Variants in NAP1L4 observed in about 807,000 individuals in gnomAD.
NAP1L4 encodes the protein nucleosome assembly protein 1 like 4.
A neutral mutation model predicts 58.2 loss-of-function variants in NAP1L4; 15 were observed. The ratio of observed to expected loss-of-function variants is 0.26; its 90% CI spans 0.17 to 0.40. The LOEUF (loss-of-function observed/expected upper bound fraction) is 0.40. Among genes scored for constraint, NAP1L4 ranks in the 10% least tolerant of loss-of-function variants. The probability of loss-of-function intolerance (pLI) is 1.00; values close to 1 mark genes in which losing one functional copy is unlikely to be tolerated. For missense variants in NAP1L4, 384 were observed against 451.1 expected, an observed-to-expected ratio of 0.85 and a Z score of 1.35; for synonymous variants, 171 against 155.6, an observed-to-expected ratio of 1.10 and a Z score of -0.74.
At chr11:2,985,076 C>A (rs1406484024) in intron 1 of NAP1L4, among the ~76,000 whole-genome samples, 1 of 152,152 alleles carries the variant, frequency 6.6e-6, no homozygotes, top group African/African-American at 2.4e-5. Flanking sequence ...TAATTTTATA[C>A]AATATTTTAA....
intron 14 of NAP1L4, among the ~76,000 whole-genome samples, chr11:2,950,489 T>C (rs945642689): frequency 2.0e-5 from 3 of 152,182 alleles, no homozygotes; most frequent in African/African-American, 7.2e-5. Context: ...AGAGACACAT[T>C]ACAAAAACAC....
In NAP1L4 at chr11:2,961,136, T is replaced by C. The variant is rs1240492291; in HGVS notation, c.607-1227A>G. On this transcript the variant is annotated intron_variant, in intron 8 of 15. Transcript: ENST00000380542. ...GGTAAAACCATCAACGGGGGGGAAA[T>C]TAAGAGGACTAAAAAAAATATACAG... 2.6e-5 allele frequency among the ~76,000 whole-genome samples: 4 copies of C among 150,962 alleles called. No individual in the cohort carries two copies. The East Asian group carries it at 7.8e-4, about 29-fold the overall frequency.
chr11:2,945,639 G>T lies in NAP1L4; in HGVS notation c.*40C>A. 1 of 1,535,960 alleles carries T rather than the reference G, an allele frequency of 6.5e-7. No individual in the cohort carries two copies. Among genetic ancestry groups the T allele is most frequent in the East Asian group, 2.4e-5 (1 of 40,904 alleles). ...CTGCTTGCATTCCGCCGGCTGGCTG[G>T]GTTCCTTCTGTCAATGAAAAAGACA... On this transcript the variant is annotated 3_prime_UTR_variant, in exon 16 of 16. Coordinates refer to ENST00000380542, the MANE Select transcript of NAP1L4 (RefSeq NM_005969.4).
rs936414794 is a variant in NAP1L4, at chr11:2,971,058, C to A, written c.402+390G>T. On this transcript the variant is annotated intron_variant, in intron 6 of 15. Coordinates refer to ENST00000380542, the MANE Select transcript of NAP1L4 (RefSeq NM_005969.4). This position sits in a 1 kb window ranked among gnomAD's most constrained non-coding sequence, Gnocchi z 4.2. ...ATCTGCAACCAATCCACTGGCGGAGCACCTCTCAGGGGGCAAGCTAGTCCA... is the reference window on the plus strand; with the variant it reads ...ATCTGCAACCAATCCACTGGCGGAGAACCTCTCAGGGGGCAAGCTAGTCCA... Among the ~76,000 whole-genome samples, 3 of 152,210 alleles carry A rather than the reference C, an allele frequency of 2.0e-5. No homozygotes were observed. The highest frequency in any genetic ancestry group is 7.2e-5 in the African/African-American group (3 of 41,462).
At chr11:2,969,549 T>A (rs919670056) in intron 7 of NAP1L4, among the ~76,000 whole-genome samples, 1 of 152,028 alleles carries the variant, frequency 6.6e-6, no homozygotes, top group Non-Finnish European at 1.5e-5. Flanking sequence ...AGGAACTGAT[T>A]TGAAAGTTTT....
intron 7 of NAP1L4, among the ~76,000 whole-genome samples, chr11:2,966,062 T>C (rs1380984083): frequency 6.6e-6 from 1 of 152,238 alleles, no homozygotes; most frequent in Non-Finnish European, 1.5e-5. Flanking sequence ...AAACACGCAC[T>C]GGCAGCAGGC....
intron 8 of NAP1L4, 97 bp from the exon 9 acceptor site, chr11:2,960,006 G>T (rs1846767909): frequency 8.4e-6 from 11 of 1,306,204 alleles, no homozygotes; most frequent in East Asian, 2.6e-5. Flanking sequence ...GCTATTTTGG[G>T]AAAGCTCAAC....
chr11:2,958,293 T>C lies in NAP1L4; in HGVS notation c.892+106A>G, dbSNP rs962520909. ...AGCAATGTGCCCCTACTGACCACAC[T>C]TGCCTGAAAAAAGAGGACTAAAGTC... On this transcript the variant is annotated intron_variant, in intron 10 of 15. Transcript: ENST00000380542. 25 of 1,209,320 alleles carry C rather than the reference T, an allele frequency of 2.1e-5. No homozygotes were observed. In the African/African-American group the frequency reaches 3.0e-4, roughly 15 times the overall value. 74.9% of individuals were successfully genotyped at this position (1,209,320 alleles called of 1,614,324 possible). A position where few individuals can be genotyped will look rare whatever the true frequency, so the allele number is the denominator to read the frequency against.
rs77374304 is a variant in NAP1L4 at position 2,964,176 on chromosome 11, G to C, written c.606+504C>G. 5.0e-3 allele frequency among the ~76,000 whole-genome samples: 766 copies of C among 152,164 alleles called. 22 individuals carry two copies. Among genetic ancestry groups the C allele is most frequent in the East Asian group, 0.015 (78 of 5,168 alleles). On this transcript the variant is annotated intron_variant, in intron 8 of 15. Coordinates refer to ENST00000380542, the MANE Select transcript of NAP1L4 (RefSeq NM_005969.4). ...AGGTTCAGATTTCTGAATAAGTGCT[G>C]ATCATTATGTGTACATAGCTCCCAT...
rs192587788 is a variant in NAP1L4 at position 2,974,005 on chromosome 11, C to T, written c.174-1762G>A. Among the ~76,000 whole-genome samples, 16 of 152,302 alleles carry T rather than the reference C, an allele frequency of 1.1e-4. No individual in the cohort carries two copies. In the South Asian group the frequency reaches 3.1e-3, roughly 30 times the overall value. On this transcript the variant is annotated intron_variant, in intron 4 of 15. Coordinates refer to ENST00000380542, the MANE Select transcript of NAP1L4 (RefSeq NM_005969.4). Reference sequence around the variant, plus strand: ...CTGGTCTCGAACTCCTGAGCTCAAGCAATCTGCCTGCCTCGGCCTCCCAAA... The same window carrying T: ...CTGGTCTCGAACTCCTGAGCTCAAGTAATCTGCCTGCCTCGGCCTCCCAAA...
chr11:2,971,383 T>G lies in NAP1L4; in HGVS notation c.402+65A>C, dbSNP rs1355480796. ...TAAGTTTACTAGTCATTAAAAATCA[T>G]TAAAAAATGCTTATTTTTAACAGTA... On this transcript the variant is annotated intron_variant, in intron 6 of 15. Coordinates refer to ENST00000380542, the MANE Select transcript of NAP1L4 (RefSeq NM_005969.4). The surrounding 1 kb of genome is among the most constrained non-coding windows in gnomAD (Gnocchi z 4.2). The G allele has an allele frequency of 3.0e-5, 42 of 1,422,066 alleles. No homozygotes were observed. In the East Asian group the frequency reaches 8.6e-4, roughly 29 times the overall value. The allele number at this position is 1,422,066 out of a possible 1,614,324, so 88.1% of individuals were successfully genotyped here.
chr11:2,956,014 GGCACTCAA>G (rs1846519199), intron 10 of NAP1L4, among the ~76,000 whole-genome samples: 1 of 152,150 alleles, frequency 6.6e-6, no homozygotes, highest in African/African-American at 2.4e-5. Context: ...GCCATGGGCT[GGCACTCAA>G]GCTTGAGAAG....
intron 12 of NAP1L4, chr11:2,952,101 T>C: frequency 2.0e-6 from 1 of 494,370 alleles, no homozygotes; most frequent in Non-Finnish European, 3.6e-6. Context: ...CTGCCCTGGC[T>C]GTTCTCACAC....
At chr11:2,967,361 C>T (rs1847343930) in intron 7 of NAP1L4, among the ~76,000 whole-genome samples, 1 of 152,104 alleles carries the variant, frequency 6.6e-6, no homozygotes, top group African/African-American at 2.4e-5. Context: ...GCCTGTAATC[C>T]CAGCACTTTG....
Position 2,951,251 on chromosome 11 carries a change from T to G in NAP1L4, c.1122+8A>C, listed in dbSNP as rs1436394762. On this transcript the variant is annotated splice_region_variant and intron_variant, in intron 14 of 15. Transcript: ENST00000380542. This position sits in a 1 kb window ranked among gnomAD's most constrained non-coding sequence, Gnocchi z 4.0. Reference sequence around the variant, plus strand: ...TAAGTAGGTCTGGGTGGCCCCAAAGTTACCAACCTTGGGGTTAATTTCCGC... The same window carrying G: ...TAAGTAGGTCTGGGTGGCCCCAAAGGTACCAACCTTGGGGTTAATTTCCGC... 5 of 1,613,654 alleles carry G rather than the reference T, an allele frequency of 3.1e-6. No individual in the cohort carries two copies. The highest frequency in any genetic ancestry group is 4.2e-6 in the Non-Finnish European group (5 of 1,179,622).
In NAP1L4 at chr11:2,955,817, A is replaced by T; in HGVS notation, c.893-51T>A. On this transcript the variant is annotated intron_variant, in intron 10 of 15. Transcript: ENST00000380542. The surrounding 1 kb of genome is among the most constrained non-coding windows in gnomAD (Gnocchi z 4.2). Reference sequence around the variant, plus strand: ...TTTAAATTACAGTGACAACTCCCAGAATTTTAAAGCCCACACAGGAGGAAG... The same window carrying T: ...TTTAAATTACAGTGACAACTCCCAGTATTTTAAAGCCCACACAGGAGGAAG... 6.4e-7 allele frequency: 1 copy of T among 1,556,752 alleles called. No individual in the cohort carries two copies. Among genetic ancestry groups the T allele is most frequent in the Non-Finnish European group, 8.8e-7 (1 of 1,131,240 alleles).
intron 4 of NAP1L4, among the ~76,000 whole-genome samples, chr11:2,974,238 G>A (rs145673729): frequency 6.6e-6 from 1 of 152,070 alleles, no homozygotes; most frequent in East Asian, 1.9e-4. Flanking sequence ...CCATTAACTC[G>A]TCATTTAGAC....
chr11:2,992,269 G>C lies in NAP1L4; in HGVS notation c.-33C>G, dbSNP rs1590288531. 6.6e-6 allele frequency: 1 copy of C among 152,314 alleles called. No individual in the cohort carries two copies. Among genetic ancestry groups the C allele is most frequent in the East Asian group, 1.9e-4 (1 of 5,190 alleles). The allele number at this position is 152,314 out of a possible 1,614,324, so 9.4% of individuals were successfully genotyped here. ...GTCTCCGCACCTCACGCCTCCTGCG[G>C]CAGTGGCGGCGACCCTAGCTTCGCT... On this transcript the variant is annotated 5_prime_UTR_variant, in exon 1 of 16. Coordinates refer to ENST00000380542, the MANE Select transcript of NAP1L4 (RefSeq NM_005969.4).
chr11:2,964,394 C>T (rs1847132092), intron 8 of NAP1L4, among the ~76,000 whole-genome samples: 1 of 152,222 alleles, frequency 6.6e-6, no homozygotes, highest in Non-Finnish European at 1.5e-5. Context: ...GCTGCAGGGT[C>T]TGGGGCATCA....
Sources: allele counts gnomAD v4.1 joint callset (sites outside exome capture counted in the v4.1 genomes callset), GRCh38; gene constraint gnomAD v4.1.1; non-coding constraint Gnocchi (gnomAD v3.1); transcripts MANE v1.5; gene names NCBI Gene and HGNC (gene_info 2026-07-23, HGNC 2026-07-21).